The following CDKAL1 variants were observed in gnomAD, a reference collection of about 807,000 sequenced individuals.
CDKAL1 encodes CDKAL1 threonylcarbamoyladenosine tRNA methylthiotransferase.
CDKAL1 carries 32 observed loss-of-function variants against 68.2 expected under a neutral mutation model. That is an observed-to-expected ratio of 0.47 (90% CI 0.35 to 0.63). The LOEUF (loss-of-function observed/expected upper bound fraction) is 0.63, where lower values mean the gene tolerates loss of function less well. CDKAL1 is among the 30% of genes least tolerant of loss of function. The pLI is 0.00. For synonymous variants in CDKAL1, 234 were observed against 244.3 expected (o/e 0.96, Z 0.39); for missense variants, 606 against 696.7 (o/e 0.87, Z 1.47).
At chr6:21,026,835 C>T (rs1768985860) in intron 11 of CDKAL1, among the ~76,000 whole-genome samples, 1 of 152,130 alleles carries the variant, frequency 6.6e-6, no homozygotes, top group Non-Finnish European at 1.5e-5. Context: ...TTGGACATGA[C>T]TTTATGAATT....
chr6:20,546,782 A>T (rs13197372), intron 3 of CDKAL1, among the ~76,000 whole-genome samples: 10,173 of 152,004 alleles, frequency 0.067, 467 homozygotes, highest in African/African-American at 0.13. Context: ...TTGAACTCCT[A>T]ACCTCAGGTG....
chr6:20,597,640 C>T (rs2127708382), intron 4 of CDKAL1, among the ~76,000 whole-genome samples: 1 of 152,224 alleles, frequency 6.6e-6, no homozygotes, highest in South Asian at 2.1e-4. Flanking sequence ...GTCTCAAACT[C>T]CTGGCCTCAA....
At chr6:21,087,090 C>T (rs1452925353) in intron 12 of CDKAL1, among the ~76,000 whole-genome samples, 2 of 152,152 alleles carry the variant, frequency 1.3e-5, no homozygotes, top group East Asian at 1.9e-4. Flanking sequence ...TTTCCTTCTG[C>T]ACCCAGGCCT....
At chr6:20,683,888 G>A (rs1770496310) in intron 5 of CDKAL1, among the ~76,000 whole-genome samples, 1 of 152,106 alleles carries the variant, frequency 6.6e-6, no homozygotes, top group African/African-American at 2.4e-5. Flanking sequence ...CAAACTCTTA[G>A]CATCCACTGA....
intron 13 of CDKAL1, among the ~76,000 whole-genome samples, chr6:21,108,991 T>A (rs537858191): frequency 6.6e-6 from 1 of 152,196 alleles, no homozygotes; most frequent in African/African-American, 2.4e-5. Flanking sequence ...CACAGCTTCA[T>A]AGATTCATAG....
chr6:20,746,499 AGT>A lies in CDKAL1; in HGVS notation c.468+6886_468+6887del, dbSNP rs1436675671. Among the ~76,000 whole-genome samples the A allele has an allele frequency of 5.9e-5, 9 of 152,212 alleles. No homozygotes were observed. In the East Asian group the frequency reaches 1.7e-3, roughly 29 times the overall value. On this transcript the variant is annotated intron_variant, in intron 6 of 15. Coordinates refer to ENST00000274695, the MANE Select transcript of CDKAL1 (RefSeq NM_017774.3). The stretch of plus-strand genomic sequence containing the variant: ...GCGTTGAAACACATTAAGCTAGCTT[AGT>A]GACTGCTGTCAGCTTCCCCACATTT...
At position 20,694,038 on chromosome 6, in the gene CDKAL1, A is replaced by G. The variant is rs183373046; in HGVS notation, c.371+44661A>G. Among the ~76,000 whole-genome samples the G allele has an allele frequency of 9.8e-3, 1,352 of 138,156 alleles. 26 individuals are homozygous for G. The highest frequency in any genetic ancestry group is 0.037 in the African/African-American group (1,288 of 34,632). 90.6% of individuals were successfully genotyped at this position (138,156 alleles called of 152,430 possible). ...CTGGCACACACTAACACACCCGGCT[A>G]ACTTTGTGTGTGTGTGTGTGTGTAT... is the stretch of plus-strand genomic sequence containing the variant. On this transcript the variant is annotated intron_variant, in intron 5 of 15. Coordinates refer to ENST00000274695, the MANE Select transcript of CDKAL1 (RefSeq NM_017774.3).
At chr6:20,916,478 GAGTATAGCACT>G (rs1762728566) in intron 9 of CDKAL1, among the ~76,000 whole-genome samples, 2 of 152,196 alleles carry the variant, frequency 1.3e-5, no homozygotes, top group African/African-American at 4.8e-5. Context: ...GAAATAACAA[GAGTATAGCACT>G]GAAGCGGGAC....
chr6:21,125,363 A>G (rs1298348335), intron 13 of CDKAL1, among the ~76,000 whole-genome samples: 1 of 152,140 alleles, frequency 6.6e-6, no homozygotes, highest in East Asian at 1.9e-4. Flanking sequence ...GCCATAAGGA[A>G]CTGTGAGTCA....
intron 8 of CDKAL1, among the ~76,000 whole-genome samples, chr6:20,787,263 A>T (rs1775714211): frequency 6.6e-6 from 1 of 151,942 alleles, no homozygotes; most frequent in African/African-American, 2.4e-5. Flanking sequence ...TATCATTTTA[A>T]AAAGCATTTT....
chr6:20,616,859 A>G (rs1404783240), intron 4 of CDKAL1, among the ~76,000 whole-genome samples: 1 of 150,412 alleles, frequency 6.6e-6, no homozygotes, highest in East Asian at 2.0e-4. Context: ...ACACACACAC[A>G]CACACACACA....
intron 11 of CDKAL1, among the ~76,000 whole-genome samples, chr6:21,017,005 A>G (rs1768377274): frequency 6.6e-6 from 1 of 152,170 alleles, no homozygotes; most frequent in Admixed American, 6.6e-5. Flanking sequence ...TTAGCTCCCC[A>G]TTGCCTACAG....
intron 6 of CDKAL1, among the ~76,000 whole-genome samples, chr6:20,742,946 G>A (rs994800951): frequency 2.6e-5 from 4 of 151,714 alleles, no homozygotes; most frequent in African/African-American, 9.7e-5. Flanking sequence ...TTACAAATTA[G>A]GAAACAAAAT....
rs1182262820 is a variant in CDKAL1 at position 21,137,312 on chromosome 6, T to C, written c.1299+28849T>C. Among the ~76,000 whole-genome samples the C allele has an allele frequency of 2.6e-5, 4 of 152,250 alleles. No homozygotes were observed. In the East Asian group the frequency reaches 7.7e-4, roughly 29 times the overall value. ...TGAAAAACCTATTTACTTTTAATCATAGTTGATTAACCTGTATATTACTAG... is the reference window on the plus strand; with the variant it reads ...TGAAAAACCTATTTACTTTTAATCACAGTTGATTAACCTGTATATTACTAG... On this transcript the variant is annotated intron_variant, in intron 13 of 15. Transcript: ENST00000274695.
At chr6:20,665,266 A>C (rs1769477555) in intron 5 of CDKAL1, among the ~76,000 whole-genome samples, 1 of 152,160 alleles carries the variant, frequency 6.6e-6, no homozygotes, top group Non-Finnish European at 1.5e-5. Context: ...TGAATAATAT[A>C]ATCTATGCAC....
chr6:20,764,707 T>A (rs1051940571), intron 7 of CDKAL1, among the ~76,000 whole-genome samples: 1 of 152,190 alleles, frequency 6.6e-6, no homozygotes, highest in Non-Finnish European at 1.5e-5. Flanking sequence ...CCAAACTCAA[T>A]GAGTAAGTGA....
At chr6:20,545,678 C>T (rs1007179319) in intron 2 of CDKAL1, among the ~76,000 whole-genome samples, 3 of 152,090 alleles carry the variant, frequency 2.0e-5, no homozygotes, top group Admixed American at 6.6e-5. Context: ...TCAAGTTATG[C>T]GCCCACCTCC....
intron 9 of CDKAL1, among the ~76,000 whole-genome samples, chr6:20,918,522 G>A (rs919625806): frequency 6.6e-6 from 1 of 152,204 alleles, no homozygotes; most frequent in Non-Finnish European, 1.5e-5. Context: ...CCGATTGGAA[G>A]CTGTAACACA....
rs60342057 is a variant in CDKAL1 at position 21,069,804 on chromosome 6, T to TTTAAAAA, written c.1236+4576_1236+4577insTTAAAAA. Among the ~76,000 whole-genome samples the TTTAAAAA allele has an allele frequency of 4.7e-4, 40 of 85,508 alleles. 2 individuals are homozygous for TTTAAAAA. The East Asian group carries it at 6.9e-3, about 15-fold the overall frequency. The allele number at this position is 85,508 out of a possible 152,430, so 56.1% of individuals were successfully genotyped here. A position where few individuals can be genotyped will look rare whatever the true frequency, so the allele number is the denominator to read the frequency against. On this transcript the variant is annotated intron_variant, in intron 12 of 15. Transcript: ENST00000274695. Reference sequence around the variant, plus strand: ...TTTTTTTTTTTTTTTTTTTTTTTTTTAAAACAGAGCCTTGCTCTGTCACCC... The same window carrying TTTAAAAA: ...TTTTTTTTTTTTTTTTTTTTTTTTTTTTAAAAAAAAACAGAGCCTTGCTCTGTCACCC...
Sources: gnomAD v4.1 joint callset for allele counts (sites outside exome capture counted in the v4.1 genomes callset) on GRCh38, gnomAD v4.1.1 for gene constraint, MANE v1.5 for transcripts, NCBI Gene and HGNC (gene_info 2026-07-23, HGNC 2026-07-21) for gene names.